The following DIP2C variants were observed in gnomAD, a reference collection of about 807,000 sequenced individuals.
DIP2C encodes disco-interacting protein 2 homolog C.
In DIP2C, 33 loss-of-function variants were observed where a neutral mutation model predicts 192.4. The ratio of observed to expected loss-of-function variants is 0.17; its 90% CI spans 0.13 to 0.23. The LOEUF is 0.23. DIP2C is among the 10% of genes least tolerant of loss of function. The probability of loss-of-function intolerance (pLI) is 1.00; values close to 1 mark genes in which losing one functional copy is unlikely to be tolerated. For missense variants in DIP2C, 1,537 were observed against 2,110.1 expected (o/e 0.73, Z 5.32); for synonymous variants, 979 against 864.1 (o/e 1.13, Z -2.33).
intron 1 of DIP2C, among the ~76,000 whole-genome samples, chr10:534,001 T>TA (rs34809873): frequency 0.027 from 3,992 of 148,666 alleles, 92 homozygotes; most frequent in East Asian, 0.1. Flanking sequence ...TGACATGCTT[T>TA]AAAAAAAAAA....
At chr10:297,241 T>TACATAC (rs1955802996) in intron 32 of DIP2C, among the ~76,000 whole-genome samples, 1 of 115,550 alleles carries the variant, frequency 8.7e-6, no homozygotes, top group Non-Finnish European at 1.7e-5. Context: ...CCCCACCACA[T>TACATAC]ACACACACAC....
At chr10:509,216 G>T (rs1209382178) in intron 1 of DIP2C, among the ~76,000 whole-genome samples, 1 of 152,170 alleles carries the variant, frequency 6.6e-6, no homozygotes. Flanking sequence ...ATTCACCCGG[G>T]GAGGGGCATA....
intron 32 of DIP2C, among the ~76,000 whole-genome samples, chr10:297,284 G>A (rs973852200): frequency 5.7e-5 from 6 of 105,004 alleles, no homozygotes; most frequent in Non-Finnish European, 1.0e-4. Flanking sequence ...ACCAAACTAC[G>A]AACAGAACTA....
intron 1 of DIP2C, among the ~76,000 whole-genome samples, chr10:678,587 G>T (rs1451142053): frequency 9.1e-6 from 1 of 109,500 alleles, no homozygotes; most frequent in African/African-American, 3.9e-5. Flanking sequence ...CCTCCCTGCA[G>T]CCATGCTCCC....
At chr10:549,593 G>T (rs760313032) in intron 1 of DIP2C, among the ~76,000 whole-genome samples, 3 of 152,164 alleles carry the variant, frequency 2.0e-5, no homozygotes, top group Non-Finnish European at 4.4e-5. Context: ...CCACAGGCCA[G>T]GAGGGTCTGG....
At chr10:376,006 C>A (rs537609815) in intron 17 of DIP2C, among the ~76,000 whole-genome samples, 1 of 152,300 alleles carries the variant, frequency 6.6e-6, no homozygotes, top group African/African-American at 2.4e-5. Context: ...TTCTATGCAA[C>A]GGACCACACA....
At chr10:555,934 C>T (rs2130967190) in intron 1 of DIP2C, among the ~76,000 whole-genome samples, 1 of 152,224 alleles carries the variant, frequency 6.6e-6, no homozygotes, top group South Asian at 2.1e-4. Context: ...CCTGCAGCAG[C>T]AGCCGCTGAG....
intron 24 of DIP2C, among the ~76,000 whole-genome samples, chr10:350,566 G>A (rs1958741440): frequency 1.3e-5 from 2 of 151,228 alleles, no homozygotes; most frequent in Non-Finnish European, 2.9e-5. Context: ...GTGGGCAACT[G>A]GACTGCAGTC....
chr10:674,865 CTT>C (rs1255620868), intron 1 of DIP2C, among the ~76,000 whole-genome samples: 12 of 149,246 alleles, frequency 8.0e-5, no homozygotes, highest in Admixed American at 6.0e-4. Context: ...CAAAACCCCA[CTT>C]TCAGCACTGG....
intron 3 of DIP2C, among the ~76,000 whole-genome samples, chr10:472,117 G>GA (rs1423111798): frequency 6.6e-5 from 10 of 152,092 alleles, no homozygotes; most frequent in Admixed American, 3.3e-4. Context: ...GTAAGAAAAA[G>GA]AAAAAACTAT....
chr10:349,483 TA>T, intron 24 of DIP2C, 29 bp from the exon 25 acceptor site: 1 of 1,584,208 alleles, frequency 6.3e-7, no homozygotes. Flanking sequence ...GACAAGCACA[TA>T]AGATTCCTTC....
chr10:507,845 A>C (rs562808246), intron 1 of DIP2C, among the ~76,000 whole-genome samples: 1 of 152,290 alleles, frequency 6.6e-6, no homozygotes, highest in Admixed American at 6.5e-5. Context: ...TCATCCTCAG[A>C]AACTGTTCCT....
At chr10:587,038 T>C (rs1201920936) in intron 1 of DIP2C, among the ~76,000 whole-genome samples, 1 of 137,972 alleles carries the variant, frequency 7.2e-6, no homozygotes, top group Non-Finnish European at 1.6e-5. Context: ...ACCACCTGGG[T>C]CCCTGCTGAC....
chr10:533,257 G>T (rs575317282), intron 1 of DIP2C, among the ~76,000 whole-genome samples: 1 of 152,064 alleles, frequency 6.6e-6, no homozygotes, highest in Non-Finnish European at 1.5e-5. Flanking sequence ...TGAAATTCCC[G>T]TGTTAGAATC....
In DIP2C at chr10:422,940, C is replaced by G; in HGVS notation, c.488G>C (p.Trp163Ser). 1 of 1,614,152 alleles carries G rather than the reference C, an allele frequency of 6.2e-7. No individual in the cohort carries two copies. The highest frequency in any genetic ancestry group is 8.5e-7 in the Non-Finnish European group (1 of 1,180,040). The change falls in exon 5 of 37, where the codon TGG becomes TCG. Residue 163 changes from tryptophan (W) to serine (S), a missense_variant. By Grantham distance (177) the Trp-to-Ser change is radical. Around this residue, in one of 4 missense-constraint regions of DIP2C, gnomAD observed 473 missense variants for 539.6 expected, o/e 0.88. Coordinates refer to ENST00000280886, the MANE Select transcript of DIP2C (RefSeq NM_014974.3). ...GGAGCCGTGGATGGCCTGGCTGATCCAGTGCTCCATATTGATGCTGCCCTG... is the reference window on the plus strand; with the variant it reads ...GGAGCCGTGGATGGCCTGGCTGATCGAGTGCTCCATATTGATGCTGCCCTG... Reference protein sequence around the residue: ...SSQGSINMEHWISQAIHGSTT... With the variant: ...SSQGSINMEHSISQAIHGSTT...
intron 3 of DIP2C, among the ~76,000 whole-genome samples, chr10:444,023 G>A (rs1967949656): frequency 6.6e-6 from 1 of 152,138 alleles, no homozygotes; most frequent in African/African-American, 2.4e-5. Context: ...TCCCCTCCCG[G>A]TCAATCCTGG....
intron 10 of DIP2C, among the ~76,000 whole-genome samples, chr10:397,710 TAC>T (rs959660668): frequency 7.9e-5 from 12 of 152,228 alleles, no homozygotes; most frequent in Admixed American, 7.2e-4. Context: ...TCATGTCTCT[TAC>T]AGTTACCGTA....
At chr10:323,794 A>T (rs1957136242) in intron 31 of DIP2C, among the ~76,000 whole-genome samples, 1 of 152,034 alleles carries the variant, frequency 6.6e-6, no homozygotes, top group Non-Finnish European at 1.5e-5. Context: ...CCTTATTAGG[A>T]CTCATGAGCA....
intron 31 of DIP2C, 49 bp from the exon 32 acceptor site, chr10:310,141 T>TG: frequency 6.5e-7 from 1 of 1,528,086 alleles, no homozygotes; most frequent in Non-Finnish European, 9.1e-7. Context: ...GGAGGGAGAT[T>TG]GGGGTCTGTG....
Sources: gnomAD v4.1 joint callset for allele counts (sites outside exome capture counted in the v4.1 genomes callset) on GRCh38, gnomAD v4.1.1 for gene constraint, gnomAD v4.1.1 regional missense constraint, MANE v1.5 for transcripts, NCBI Gene and HGNC (gene_info 2026-07-23, HGNC 2026-07-21) for gene names.